The following ANO3 variants were observed in gnomAD, a reference collection of about 807,000 sequenced individuals.
ANO3 encodes anoctamin 3, also known as anoctamin-3.
ANO3 carries 99 observed loss-of-function variants against 144.8 expected under a neutral mutation model. That is an observed-to-expected ratio of 0.68 (90% CI 0.58 to 0.81). The LOEUF is 0.81. Among genes scored for constraint, ANO3 ranks in the 30% least tolerant of loss-of-function variants. The pLI is 0.00. For synonymous variants in ANO3, 414 were observed against 392.6 expected (o/e 1.05, Z -0.64); for missense variants, 905 against 1,202.2 (o/e 0.75, Z 3.66).
chr11:26,251,107 T>A (rs1852918131), intron 1 of ANO3, among the ~76,000 whole-genome samples: 1 of 152,196 alleles, frequency 6.6e-6, no homozygotes, highest in Non-Finnish European at 1.5e-5. Context: ...TTCTGCTGAG[T>A]TCATATTGCT....
intron 1 of ANO3, among the ~76,000 whole-genome samples, chr11:26,311,110 A>C (rs1216916556): frequency 6.6e-6 from 1 of 152,220 alleles, no homozygotes; most frequent in Non-Finnish European, 1.5e-5. Flanking sequence ...GGAATCAATG[A>C]AGTGAGTAAA....
intron 4 of ANO3, among the ~76,000 whole-genome samples, chr11:26,505,065 A>ACAAGCCT (rs1565066934): frequency 6.6e-6 from 1 of 151,276 alleles, no homozygotes; most frequent in Non-Finnish European, 1.5e-5. Context: ...AAGCAAAGAG[A>ACAAGCCT]CAAGCCTGGC....
intron 5 of ANO3, chr11:26,508,676 G>T (rs1260464921): frequency 1.2e-5 from 2 of 164,630 alleles, no homozygotes; most frequent in Non-Finnish European, 2.6e-5. Context: ...AAATGTTCTT[G>T]GAAGAATTTA....
chr11:26,303,949 G>A (rs1057456024), intron 1 of ANO3, among the ~76,000 whole-genome samples: 4 of 152,156 alleles, frequency 2.6e-5, no homozygotes, highest in South Asian at 4.1e-4. Flanking sequence ...TCTTGACCTC[G>A]TGATCCACCT....
At chr11:26,496,202 T>C (rs41480944) in intron 4 of ANO3, among the ~76,000 whole-genome samples, 3,890 of 152,264 alleles carry the variant, frequency 0.026, 78 homozygotes, top group East Asian at 0.12. Context: ...TGTTGAGCTT[T>C]TCCTTCTTTT....
At chr11:26,264,764 T>G (rs559108831) in intron 1 of ANO3, among the ~76,000 whole-genome samples, 1 of 152,172 alleles carries the variant, frequency 6.6e-6, no homozygotes, top group Non-Finnish European at 1.5e-5. Flanking sequence ...GCTATTCCTG[T>G]GTGGGTCTGT....
At chr11:26,191,094 T>G (rs1007488285) in intron 1 of ANO3, among the ~76,000 whole-genome samples, 2 of 151,956 alleles carry the variant, frequency 1.3e-5, no homozygotes, top group Non-Finnish European at 2.9e-5. Flanking sequence ...CTGACAAACA[T>G]GAAGAAACCC....
intron 14 of ANO3, chr11:26,565,222 T>C (rs1850519173): frequency 4.0e-6 from 6 of 1,518,634 alleles, no homozygotes; most frequent in Non-Finnish European, 5.3e-6. Context: ...AATTTTAAGG[T>C]AGGCTGTAGA....
intron 1 of ANO3, among the ~76,000 whole-genome samples, chr11:26,401,449 T>TA (rs769481435): frequency 1.3e-5 from 2 of 152,030 alleles, no homozygotes; most frequent in Non-Finnish European, 2.9e-5. Context: ...AAGGTAACCT[T>TA]AATAGCTGAA....
chr11:26,228,119 G>A (rs1043183773), intron 1 of ANO3, among the ~76,000 whole-genome samples: 1 of 152,172 alleles, frequency 6.6e-6, no homozygotes, highest in African/African-American at 2.4e-5. Flanking sequence ...TTGAAACTTT[G>A]TGGTTTGCAT....
At chr11:26,502,849 G>GAAA (rs397941347) in intron 4 of ANO3, among the ~76,000 whole-genome samples, 1 of 77,750 alleles carries the variant, frequency 1.3e-5, no homozygotes, top group Non-Finnish European at 2.8e-5. Context: ...AACATTCAGG[G>GAAA]AAAAAAAAAA....
chr11:26,411,009 A>G (rs933071516), intron 1 of ANO3, among the ~76,000 whole-genome samples: 1 of 151,984 alleles, frequency 6.6e-6, no homozygotes, highest in African/African-American at 2.4e-5. Context: ...GGATAAATCT[A>G]TTGGCTAAAA....
At chr11:26,649,211 T>C (rs1853446051) in intron 24 of ANO3, among the ~76,000 whole-genome samples, 2 of 152,196 alleles carry the variant, frequency 1.3e-5, no homozygotes, top group South Asian at 4.1e-4. Context: ...GAAATACATA[T>C]TACTAATATT....
At chr11:26,463,954 T>C (rs1214193008) in intron 4 of ANO3, among the ~76,000 whole-genome samples, 1 of 151,772 alleles carries the variant, frequency 6.6e-6, no homozygotes, top group African/African-American at 2.4e-5. Flanking sequence ...GTAAAAAAGA[T>C]AGTTGGATAT....
At chr11:26,369,988 G>A (rs1856203353) in intron 1 of ANO3, among the ~76,000 whole-genome samples, 1 of 152,172 alleles carries the variant, frequency 6.6e-6, no homozygotes, top group African/African-American at 2.4e-5. Context: ...TTGATGTGAG[G>A]ATTAAACCTT....
intron 1 of ANO3, among the ~76,000 whole-genome samples, chr11:26,242,662 C>A (rs751597346): frequency 6.6e-6 from 1 of 152,152 alleles, no homozygotes; most frequent in Non-Finnish European, 1.5e-5. Context: ...GCTTCATAGT[C>A]GAACACAGTT....
intron 17 of ANO3, among the ~76,000 whole-genome samples, chr11:26,622,040 T>G (rs1852430802): frequency 6.6e-6 from 1 of 152,170 alleles, no homozygotes; most frequent in Non-Finnish European, 1.5e-5. Context: ...TTTAAATCAT[T>G]ATTTATTTTT....
chr11:26,619,155 T>C (rs1852342490), intron 17 of ANO3, among the ~76,000 whole-genome samples: 1 of 152,232 alleles, frequency 6.6e-6, no homozygotes, highest in South Asian at 2.1e-4. Flanking sequence ...CTTAGCATCT[T>C]ACTGTATGTG....
At chr11:26,363,170 G>A (rs2133927348) in intron 1 of ANO3, among the ~76,000 whole-genome samples, 1 of 152,100 alleles carries the variant, frequency 6.6e-6, no homozygotes, top group South Asian at 2.1e-4. Context: ...AGGAAAATAT[G>A]ACCCATAGAG....
Sources: gnomAD v4.1 joint callset for allele counts (sites outside exome capture counted in the v4.1 genomes callset) on GRCh38, gnomAD v4.1.1 for gene constraint, MANE v1.5 for transcripts, NCBI Gene and HGNC (gene_info 2026-07-23, HGNC 2026-07-21) for gene names.